The following MAGI1 variants were observed in gnomAD, a reference collection of about 807,000 sequenced individuals.
MAGI1 encodes membrane-associated guanylate kinase, WW and PDZ domain-containing protein 1.
A neutral mutation model predicts 139.9 loss-of-function variants in MAGI1; 58 were observed. The ratio of observed to expected loss-of-function variants is 0.41; its 90% CI spans 0.34 to 0.52. The LOEUF (loss-of-function observed/expected upper bound fraction) is 0.52. MAGI1 is among the 20% of genes least tolerant of loss of function. MAGI1 has a pLI of 0.12. For missense variants in MAGI1, 1,874 were observed against 1,901.6 expected (o/e 0.99, Z 0.27); for synonymous variants, 812 against 737.9 (o/e 1.10, Z -1.63).
intron 1 of MAGI1, among the ~76,000 whole-genome samples, chr3:65,794,290 A>G (rs2039978057): frequency 6.6e-6 from 1 of 152,316 alleles, no homozygotes; most frequent in Non-Finnish European, 1.5e-5. Context: ...AGACTCAACA[A>G]AAGACTGAGA....
intron 2 of MAGI1, among the ~76,000 whole-genome samples, chr3:65,611,739 C>T (rs1559719836): frequency 1.4e-5 from 2 of 145,524 alleles, no homozygotes; most frequent in African/African-American, 5.1e-5. Context: ...TATGTGTATA[C>T]ATACATAGTA....
At chr3:65,610,167 C>A (rs1576469839) in intron 2 of MAGI1, among the ~76,000 whole-genome samples, 2 of 152,276 alleles carry the variant, frequency 1.3e-5, no homozygotes, top group Admixed American at 1.3e-4. Flanking sequence ...AATTCCCCTA[C>A]AGCATCCTTG....
intron 1 of MAGI1, among the ~76,000 whole-genome samples, chr3:65,936,972 ATGG>A (rs1322277346): frequency 2.7e-5 from 4 of 149,810 alleles, no homozygotes; most frequent in Non-Finnish European, 5.9e-5. Flanking sequence ...GGTGGTGGTG[ATGG>A]TGGTGGTGGT....
intron 1 of MAGI1, among the ~76,000 whole-genome samples, chr3:65,983,152 C>A (rs928802669): frequency 6.6e-6 from 1 of 152,060 alleles, no homozygotes; most frequent in Non-Finnish European, 1.5e-5. Flanking sequence ...TATTTTAATG[C>A]AAGGGGTTTC....
chr3:65,976,450 C>T (rs532102190), intron 1 of MAGI1, among the ~76,000 whole-genome samples: 108 of 152,064 alleles, frequency 7.1e-4, no homozygotes, highest in African/African-American at 2.4e-3. Flanking sequence ...GCCAACATGG[C>T]AAAATCCTGT....
chr3:65,947,802 T>C (rs2063606845), intron 1 of MAGI1, among the ~76,000 whole-genome samples: 1 of 151,936 alleles, frequency 6.6e-6, no homozygotes, highest in Admixed American at 6.6e-5. Flanking sequence ...ATTTTTAGTA[T>C]TGATGAGATC....
intron 1 of MAGI1, among the ~76,000 whole-genome samples, chr3:65,732,507 T>C (rs1390119716): frequency 6.6e-6 from 1 of 152,178 alleles, no homozygotes; most frequent in Non-Finnish European, 1.5e-5. Flanking sequence ...AACATCAAGC[T>C]GCTCTCTGCT....
chr3:65,657,321 G>T (rs1576622770), intron 1 of MAGI1, among the ~76,000 whole-genome samples: 1 of 151,848 alleles, frequency 6.6e-6, no homozygotes. Flanking sequence ...GAGGCCAGGG[G>T]TGGTGGCTCA....
intron 2 of MAGI1, among the ~76,000 whole-genome samples, chr3:65,587,774 G>A (rs774935680): frequency 6.6e-6 from 1 of 152,064 alleles, no homozygotes; most frequent in Admixed American, 6.6e-5. Context: ...GAACCAAGGT[G>A]CCCAGCCTAC....
chr3:65,983,156 G>C (rs768211347), intron 1 of MAGI1, among the ~76,000 whole-genome samples: 1 of 152,090 alleles, frequency 6.6e-6, no homozygotes, highest in Non-Finnish European at 1.5e-5. Flanking sequence ...TTAATGCAAG[G>C]GGTTTCTCAG....
chr3:65,481,028 AT>A (rs1281057878), intron 3 of MAGI1, among the ~76,000 whole-genome samples: 3 of 152,134 alleles, frequency 2.0e-5, no homozygotes, highest in Admixed American at 6.6e-5. Flanking sequence ...CAACATACAC[AT>A]TTTTTTAAAT....
At chr3:65,650,871 C>T (rs1003052276) in intron 1 of MAGI1, among the ~76,000 whole-genome samples, 1 of 152,168 alleles carries the variant, frequency 6.6e-6, no homozygotes, top group African/African-American at 2.4e-5. Flanking sequence ...TTACAATTTA[C>T]AGCAATGACT....
chr3:65,537,740 AT>A (rs1390801330), intron 2 of MAGI1, among the ~76,000 whole-genome samples: 3 of 152,212 alleles, frequency 2.0e-5, no homozygotes, highest in African/African-American at 7.2e-5. Flanking sequence ...AACAATTGTT[AT>A]TTAATAGTCA....
At chr3:65,770,595 G>A (rs550294926) in intron 1 of MAGI1, among the ~76,000 whole-genome samples, 1 of 152,176 alleles carries the variant, frequency 6.6e-6, no homozygotes, top group Non-Finnish European at 1.5e-5. Flanking sequence ...TGAGGGACAG[G>A]TATGAAAGAT....
At chr3:66,003,368 G>C (rs1292922362) in intron 1 of MAGI1, among the ~76,000 whole-genome samples, 2 of 152,080 alleles carry the variant, frequency 1.3e-5, no homozygotes, top group Non-Finnish European at 2.9e-5. Flanking sequence ...TTAAAGAGGA[G>C]AGGCAGGACA....
chr3:65,900,178 G>A (rs768486595), intron 1 of MAGI1, among the ~76,000 whole-genome samples: 7 of 151,998 alleles, frequency 4.6e-5, no homozygotes, highest in Non-Finnish European at 7.4e-5. Context: ...TGCTTTGCAC[G>A]TTATTGCAAG....
At chr3:65,733,816 T>C (rs1391834775) in intron 1 of MAGI1, among the ~76,000 whole-genome samples, 1 of 152,234 alleles carries the variant, frequency 6.6e-6, no homozygotes, top group Non-Finnish European at 1.5e-5. Context: ...GATAGTCAGA[T>C]GGACACTTCC....
intron 1 of MAGI1, among the ~76,000 whole-genome samples, chr3:65,995,153 CCGTGATCCT>C (rs1438131490): frequency 6.6e-6 from 1 of 152,170 alleles, no homozygotes; most frequent in Non-Finnish European, 1.5e-5. Flanking sequence ...TCGGAAGGAA[CCGTGATCCT>C]CTGATGAGTC....
intron 1 of MAGI1, among the ~76,000 whole-genome samples, chr3:65,945,650 T>G (rs1001814480): frequency 1.3e-5 from 2 of 152,208 alleles, no homozygotes; most frequent in South Asian, 4.1e-4. Context: ...ATAAGGCAAA[T>G]GCCAAGGTGT....
Sources: allele counts gnomAD v4.1 joint callset (sites outside exome capture counted in the v4.1 genomes callset), GRCh38; gene constraint gnomAD v4.1.1; transcripts MANE v1.5; gene names NCBI Gene and HGNC (gene_info 2026-07-23, HGNC 2026-07-21).